TOMM40: variants seen among roughly 807,000 people sequenced by gnomAD.
The protein encoded by TOMM40 is mitochondrial import receptor subunit TOM40 homolog.
TOMM40 carries 9 observed loss-of-function variants against 38.4 expected under a neutral mutation model. The ratio of observed to expected loss-of-function variants is 0.23; its 90% confidence interval spans 0.14 to 0.41. The LOEUF (loss-of-function observed/expected upper bound fraction) is 0.41, where lower values mean the gene tolerates loss of function less well. Among genes scored for constraint, TOMM40 ranks in the 10% least tolerant of loss-of-function variants. The pLI, the probability that TOMM40 is intolerant of heterozygous loss-of-function variation, is 1.00. For synonymous variants in TOMM40, 184 were observed against 210.0 expected (o/e 0.88, Z 1.07); for missense variants, 299 against 486.5 (o/e 0.61, Z 3.63).
At chr19:44,899,959 C>T (rs115881343) in intron 5 of TOMM40, among the ~76,000 whole-genome samples, 4,274 of 151,838 alleles carry the variant, frequency 0.028, 62 homozygotes, top group African/African-American at 0.043. Flanking sequence ...CTTTCCCTGT[C>T]CCTCCCTCTC....
At chr19:44,898,433 C>T (rs567337864) in intron 5 of TOMM40, among the ~76,000 whole-genome samples, 4 of 151,838 alleles carry the variant, frequency 2.6e-5, no homozygotes, top group South Asian at 2.1e-4. Flanking sequence ...GGAGATTGCT[C>T]GATCGTGGTG....
Position 44,893,888 on chromosome 19 carries a change from G to A in TOMM40, c.537+7G>A. On this transcript the variant is annotated splice_region_variant and intron_variant, in intron 4 of 8. Transcript: ENST00000426677. ...GTCCAAGATGGCCATCCAGGTGAGT[G>A]GGGCACGGAGGCTGCTGCTCCCCTC... 6.2e-7 allele frequency: 1 copy of A among 1,611,862 alleles called. No individual in the cohort carries two copies. The highest frequency in any genetic ancestry group is 8.5e-7 in the Non-Finnish European group (1 of 1,179,652).
intron 5 of TOMM40, among the ~76,000 whole-genome samples, chr19:44,898,201 C>T (rs1360303191): frequency 2.0e-5 from 3 of 152,212 alleles, no homozygotes; most frequent in African/African-American, 4.8e-5. Flanking sequence ...GCCCCTATTC[C>T]TGCAGCTCCA....
At chr19:44,894,834 C>T (rs554672945) in intron 5 of TOMM40, among the ~76,000 whole-genome samples, 1 of 152,282 alleles carries the variant, frequency 6.6e-6, no homozygotes, top group African/African-American at 2.4e-5. Context: ...CCTTGGCCTT[C>T]GCTCTGAGTG....
intron 8 of TOMM40, chr19:44,901,525 A>G: frequency 7.9e-7 from 1 of 1,272,978 alleles, no homozygotes; most frequent in Non-Finnish European, 1.0e-6. Context: ...GGCCGAGGTA[A>G]GGAGATTGAG....
intron 5 of TOMM40, among the ~76,000 whole-genome samples, chr19:44,898,695 A>C (rs112328660): frequency 0.015 from 2,200 of 150,496 alleles, 61 homozygotes; most frequent in African/African-American, 0.05. Context: ...GCACCACCAC[A>C]CTCAGCTAAT....
intron 5 of TOMM40, among the ~76,000 whole-genome samples, chr19:44,897,910 A>C (rs1756160461): frequency 6.6e-6 from 1 of 152,048 alleles, no homozygotes; most frequent in Admixed American, 6.5e-5. Flanking sequence ...GGCGTGAGCT[A>C]CTGTGCCCCG....
intron 3 of TOMM40, among the ~76,000 whole-genome samples, chr19:44,893,476 C>G (rs576152883): frequency 2.0e-5 from 3 of 152,190 alleles, no homozygotes; most frequent in Admixed American, 2.0e-4. Flanking sequence ...TTCTGCAAAC[C>G]TTCATTGCAC....
rs536797693 is a variant in TOMM40 at position 44,897,635 on chromosome 19, G to A, written c.644-3095G>A. 3.6e-4 allele frequency among the ~76,000 whole-genome samples: 55 copies of A among 152,046 alleles called. No homozygotes were observed. The Middle Eastern group carries it at 0.01, about 28-fold the overall frequency. On this transcript the variant is annotated intron_variant, in intron 5 of 8. Coordinates refer to ENST00000426677, the MANE Select transcript of TOMM40 (RefSeq NM_001128917.2). ...ACCCGGCTAATTTTTGTATTTTTGC[G>A]TCGTGGCACATGCGTGTAATCCCAG...
In TOMM40 at chr19:44,899,791, C is replaced by CTT. The variant is rs10524523; in HGVS notation, c.644-905_644-904dup. Among the ~76,000 whole-genome samples, 460 of 90,862 alleles carry CTT rather than the reference C, an allele frequency of 5.1e-3. 48 individuals carry two copies. The highest frequency in any genetic ancestry group is 7.8e-3 in the Middle Eastern group (1 of 128). 59.6% of individuals were successfully genotyped at this position (90,862 alleles called of 152,430 possible). A position where few individuals can be genotyped will look rare whatever the true frequency, so the allele number is the denominator to read the frequency against. ...TACTGGCATGAGCCATTGCATCTGGCTTTTTTTTTTTTTTTTTTTTTTTTT... is the reference window on the plus strand; with the variant it reads ...TACTGGCATGAGCCATTGCATCTGGCTTTTTTTTTTTTTTTTTTTTTTTTTTT... On this transcript the variant is annotated intron_variant, in intron 5 of 8. Coordinates refer to ENST00000426677, the MANE Select transcript of TOMM40 (RefSeq NM_001128917.2).
Position 44,891,661 on chromosome 19 carries a change from A to G in TOMM40, c.246A>G (p.Thr82=), listed in dbSNP as rs1436989894. The G allele has an allele frequency of 1.4e-6, 2 of 1,480,024 alleles. No homozygotes were observed. The highest frequency in any genetic ancestry group is 1.8e-6 in the Non-Finnish European group (2 of 1,120,278). 91.7% of individuals were successfully genotyped at this position (1,480,024 alleles called of 1,614,324 possible). A position where few individuals can be genotyped will look rare whatever the true frequency, so the allele number is the denominator to read the frequency against. ...GCGGCTGCCTGCCCAACCCGGGCACATTCGAGGAGTGCCACCGGAAGTGCA... is the reference window on the plus strand; with the variant it reads ...GCGGCTGCCTGCCCAACCCGGGCACGTTCGAGGAGTGCCACCGGAAGTGCA... ...GACGCLPNPG[T]FEECHRKCKE... is the part of the protein sequence containing the mutation. The change falls in exon 1 of 9, where the codon ACA becomes ACG. Residue 82 remains threonine, a synonymous_variant. Transcript: ENST00000426677.
intron 1 of TOMM40, 31 bp from the exon 2 acceptor site, chr19:44,892,362 A>C: frequency 6.2e-7 from 1 of 1,608,690 alleles, no homozygotes; most frequent in Non-Finnish European, 8.5e-7. Context: ...GTGGGGTTGG[A>C]GTGGAGTGTG....
At chr19:44,897,155 CTCTG>C (rs1190847258) in intron 5 of TOMM40, among the ~76,000 whole-genome samples, 1 of 152,080 alleles carries the variant, frequency 6.6e-6, no homozygotes, top group Non-Finnish European at 1.5e-5. Context: ...AACATGATCC[CTCTG>C]TCTGCTGTCT....
At chr19:44,892,584 G>T in intron 2 of TOMM40, 124 bp downstream of exon 2, 1 of 959,662 alleles carries the variant, frequency 1.0e-6, no homozygotes, top group South Asian at 1.4e-5. Flanking sequence ...GAAAAGACTC[G>T]GAGATATAGT....
intron 1 of TOMM40, among the ~76,000 whole-genome samples, chr19:44,892,073 A>G (rs2075649): frequency 0.33 from 49,936 of 151,776 alleles, 9,411 homozygotes; most frequent in Non-Finnish European, 0.4. Context: ...GAGTAGTAGT[A>G]GTGGTGGAGA....
chr19:44,901,137 A>G, intron 7 of TOMM40, 33 bp downstream of exon 7: 2 of 1,613,954 alleles, frequency 1.2e-6, no homozygotes, highest in Non-Finnish European at 8.5e-7. Flanking sequence ...TGGTGCTGCC[A>G]GGGGCTGCTG....
intron 5 of TOMM40, among the ~76,000 whole-genome samples, chr19:44,895,952 G>C (rs1406629655): frequency 3.3e-5 from 5 of 152,318 alleles, no homozygotes; most frequent in African/African-American, 1.2e-4. Context: ...CTCTGGTCTT[G>C]ACATGACTGG....
Position 44,902,131 on chromosome 19 carries a change from A to G in TOMM40, c.946+821A>G, listed in dbSNP as rs554186812. On this transcript the variant is annotated intron_variant, in intron 8 of 8. Coordinates refer to ENST00000426677, the MANE Select transcript of TOMM40 (RefSeq NM_001128917.2). ...AAATAAATAAATAAATGTTAAAAAAAATCTGGTGGAGCATCTGATGGGTGT... is the reference window on the plus strand; with the variant it reads ...AAATAAATAAATAAATGTTAAAAAAGATCTGGTGGAGCATCTGATGGGTGT... 4.6e-5 allele frequency: 7 copies of G among 152,316 alleles called. No individual in the cohort carries two copies. In the East Asian group the frequency reaches 1.2e-3, roughly 25 times the overall value. The allele number at this position is 152,316 out of a possible 1,614,324, so 9.4% of individuals were successfully genotyped here.
chr19:44,898,182 G>C (rs1444867494), intron 5 of TOMM40, among the ~76,000 whole-genome samples: 1 of 152,150 alleles, frequency 6.6e-6, no homozygotes, highest in South Asian at 2.1e-4. Context: ...ATGCCTGCAG[G>C]TATGAAAGGC....
Sources: allele counts gnomAD v4.1 joint callset (sites outside exome capture counted in the v4.1 genomes callset), GRCh38; gene constraint gnomAD v4.1.1; transcripts MANE v1.5; gene names NCBI Gene and HGNC (gene_info 2026-07-23, HGNC 2026-07-21).